RASAL1: variants seen among roughly 807,000 people sequenced by gnomAD.
RASAL1 encodes the protein rasGAP-activating-like protein 1.
RASAL1 carries 72 observed loss-of-function variants against 96.6 expected under a neutral mutation model. The ratio of observed to expected loss-of-function variants is 0.75; its 90% CI spans 0.62 to 0.91. The LOEUF is 0.91. RASAL1 is among the 40% of genes least tolerant of loss of function. RASAL1 has a pLI of 0.00. For synonymous variants in RASAL1, 405 were observed against 430.4 expected, an observed-to-expected ratio of 0.94 and a Z score of 0.73; for missense variants, 1,016 against 1,072.5, an observed-to-expected ratio of 0.95 and a Z score of 0.74.
intron 13 of RASAL1, 131 bp from the exon 14 acceptor site, chr12:113,108,353 C>A (rs983213615): frequency 2.6e-6 from 3 of 1,156,842 alleles, no homozygotes; most frequent in Non-Finnish European, 3.6e-6. Flanking sequence ...GAAGCCACAC[C>A]GGCTGGCCGA....
chr12:113,107,109 C>A lies in RASAL1; in HGVS notation c.1645G>T (p.Asp549Tyr). ...RDFLDRLVDVDGDEEAGVPAR... is the reference protein window; with the variant it reads ...RDFLDRLVDVYGDEEAGVPAR... ...CACAGGAACTCACCTTCATCCCCATCCACATCCACCAGCCGGTCCAGGAAG... is the reference window on the plus strand; with the variant it reads ...CACAGGAACTCACCTTCATCCCCATACACATCCACCAGCCGGTCCAGGAAG... Residue 549 changes from aspartate (D) to tyrosine (Y), a missense_variant, in exon 15 of 21, where the codon GAT becomes TAT. By Grantham distance (160) the Asp-to-Tyr change is radical (BLOSUM62 -3). Coordinates refer to ENST00000548055, the MANE Select transcript of RASAL1 (RefSeq NM_001301202.2). 1 of 1,612,526 alleles carries A rather than the reference C, an allele frequency of 6.2e-7. No homozygotes were observed. Among genetic ancestry groups the A allele is most frequent in the Non-Finnish European group, 8.5e-7 (1 of 1,179,102 alleles).
chr12:113,115,091 CG>C lies in RASAL1; in HGVS notation c.1068+108del. 7.9e-7 allele frequency: 1 copy of C among 1,268,822 alleles called. No homozygotes were observed. The highest frequency in any genetic ancestry group is 1.2e-5 in the South Asian group (1 of 81,252). 78.6% of individuals were successfully genotyped at this position (1,268,822 alleles called of 1,614,324 possible). A position where few individuals can be genotyped will look rare whatever the true frequency, so the allele number is the denominator to read the frequency against. ...GGCACCAGCCGCCAGCACTGCAGCTCGGCTGCTCAGTGCTGTCTGAAGCCAG... is the reference window on the plus strand; with the variant it reads ...GGCACCAGCCGCCAGCACTGCAGCTCGCTGCTCAGTGCTGTCTGAAGCCAG... On this transcript the variant is annotated intron_variant, in intron 11 of 20. Coordinates refer to ENST00000548055, the MANE Select transcript of RASAL1 (RefSeq NM_001301202.2). This position sits in a 1 kb window ranked among gnomAD's most constrained non-coding sequence, Gnocchi z 4.1.
At chr12:113,108,961 A>G (rs1004709553) in intron 13 of RASAL1, among the ~76,000 whole-genome samples, 5 of 150,994 alleles carry the variant, frequency 3.3e-5, no homozygotes, top group African/African-American at 1.2e-4. Flanking sequence ...CAGCCTCCCA[A>G]GTAGCTGGGA....
At chr12:113,111,175 C>G (rs748264582) in intron 13 of RASAL1, among the ~76,000 whole-genome samples, 6 of 152,180 alleles carry the variant, frequency 3.9e-5, no homozygotes, top group Non-Finnish European at 8.8e-5. Flanking sequence ...GTTGGTATAG[C>G]ACTACACCTG....
In RASAL1 at chr12:113,119,376, T is replaced by C. The variant is rs1368694405; in HGVS notation, c.496A>G (p.Ser166Gly). The change falls in exon 6 of 21, where the codon AGC becomes GGC. Residue 166 changes from serine to glycine, a missense_variant. Transcript: ENST00000548055. ...PFARVFWGSQ[S>G]LETSTIKKTR... ...CCACCACTCACTGAGGTCTCCAAGC[T>C]CTGGCTGCCCCAAAACACACGTGCA... The C allele has an allele frequency of 1.2e-6, 2 of 1,612,628 alleles. No homozygotes were observed. The highest frequency in any genetic ancestry group is 1.1e-5 in the South Asian group (1 of 90,692).
At chr12:113,111,099 T>C (rs958674782) in intron 13 of RASAL1, among the ~76,000 whole-genome samples, 1 of 152,142 alleles carries the variant, frequency 6.6e-6, no homozygotes, top group African/African-American at 2.4e-5. Flanking sequence ...ACGCGCTGCT[T>C]GCTTTGTTCT....
At chr12:113,120,321 G>A (rs1009246973) in intron 5 of RASAL1, among the ~76,000 whole-genome samples, 2 of 152,190 alleles carry the variant, frequency 1.3e-5, no homozygotes, top group Non-Finnish European at 2.9e-5. Context: ...CTGAGGAAGG[G>A]GCCATGGGCT....
rs553116570 is a variant in RASAL1 at position 113,114,591 on chromosome 12, G to A, written c.1181+209C>T. On this transcript the variant is annotated intron_variant, in intron 12 of 20. Coordinates refer to ENST00000548055, the MANE Select transcript of RASAL1 (RefSeq NM_001301202.2). The stretch of plus-strand genomic sequence containing the variant: ...CAAAGCTAAGATTTGAACCCAGGGC[G>A]CTTAGCATCAGAGTCCTGACCATAA... 1.0e-3 allele frequency among the ~76,000 whole-genome samples: 158 copies of A among 152,290 alleles called. 1 individual carries two copies. Among genetic ancestry groups the A allele is most frequent in the African/African-American group, 3.5e-3 (146 of 41,558 alleles).
At position 113,115,900 on chromosome 12, in the gene RASAL1, C is replaced by A. The variant is rs200729934; in HGVS notation, c.849+34G>T. The stretch of plus-strand genomic sequence containing the variant: ...AGGCCAGGATCCAGACCCCCGGCAC[C>A]CGCCTGATAGCATTGCTTGCCTGAC... On this transcript the variant is annotated intron_variant, in intron 9 of 20. Transcript: ENST00000548055. The surrounding 1 kb of genome is among the most constrained non-coding windows in gnomAD (Gnocchi z 4.1). The A allele has an allele frequency of 5.7e-6, 9 of 1,582,554 alleles. No homozygotes were observed. In the Admixed American group the frequency reaches 1.6e-4, roughly 28 times the overall value.
At position 113,102,144 on chromosome 12, in the gene RASAL1, G is replaced by A. The variant is rs139689700; in HGVS notation, c.2105-135C>T. On this transcript the variant is annotated intron_variant, in intron 18 of 20. Coordinates refer to ENST00000548055, the MANE Select transcript of RASAL1 (RefSeq NM_001301202.2). ...AACCTACTACTTCTAGGCCACACAC[G>A]GTGGCTCATGCCTGTAATCTCAGCA... 4.0e-4 allele frequency: 431 copies of A among 1,083,834 alleles called. 1 individual carries two copies. The African/African-American group carries it at 5.6e-3, about 14-fold the overall frequency. The allele number at this position is 1,083,834 out of a possible 1,614,324, so 67.1% of individuals were successfully genotyped here.
At chr12:113,131,287 C>T (rs1439998667) in intron 1 of RASAL1, among the ~76,000 whole-genome samples, 1 of 152,146 alleles carries the variant, frequency 6.6e-6, no homozygotes, top group African/African-American at 2.4e-5. Flanking sequence ...GCTTCACCAC[C>T]CTCTGGCTGT....
rs761856263 is a variant in RASAL1 at position 113,104,076 on chromosome 12, C to T, written c.1974G>A (p.Val658=). The part of the protein sequence containing the change: ...LHTTYLQCKN[V]NELNQWLSAL... The stretch of plus-strand genomic sequence containing the variant: ...CCGAGAGCCACTGGTTGAGCTCATT[C>T]ACATTCTGCAGCGGGTGGGAGGCGA... Residue 658 remains valine, a synonymous_variant, in exon 18 of 21, where the codon GTG becomes GTA. Coordinates refer to ENST00000548055, the MANE Select transcript of RASAL1 (RefSeq NM_001301202.2). 6.4e-7 allele frequency: 1 copy of T among 1,554,400 alleles called. No homozygotes were observed. The highest frequency in any genetic ancestry group is 1.2e-5 in the South Asian group (1 of 85,422).
chr12:113,135,403 C>T lies in RASAL1; in HGVS notation c.60G>A (p.Lys20=). The change falls in exon 1 of 21, where the codon AAG becomes AAA. Residue 20 remains lysine (K), a synonymous_variant. Coordinates refer to ENST00000548055, the MANE Select transcript of RASAL1 (RefSeq NM_001301202.2). The surrounding 1 kb of genome is among the most constrained non-coding windows in gnomAD (Gnocchi z 5.7). ...RVVEGRALPA[K]DVSGSSDPYC... ...AGCGCCCGAGGAGTACTCACACGTC[C>T]TTGGCAGGCAGCGCGCGGCCCTCCA... The T allele has an allele frequency of 6.2e-7, 1 of 1,608,972 alleles. No homozygotes were observed. Among genetic ancestry groups the T allele is most frequent in the Non-Finnish European group, 8.5e-7 (1 of 1,178,112 alleles).
chr12:113,124,217 CAAAAA>C (rs35190885), intron 4 of RASAL1, among the ~76,000 whole-genome samples: 1 of 98,374 alleles, frequency 1.0e-5, no homozygotes, highest in Non-Finnish European at 2.0e-5. Context: ...GACTCTGTCT[CAAAAA>C]AAAAAAAAAA....
chr12:113,116,068 C>A lies in RASAL1; in HGVS notation c.732-17G>T. On this transcript the variant is annotated splice_polypyrimidine_tract_variant and intron_variant, in intron 8 of 20. Transcript: ENST00000548055. Reference sequence around the variant, plus strand: ...AGGTTCCCCCTGTCCAGGATCAGATCATAAGAAAATGAAAGATCTGGCCGA... The same window carrying A: ...AGGTTCCCCCTGTCCAGGATCAGATAATAAGAAAATGAAAGATCTGGCCGA... 1.3e-6 allele frequency: 2 copies of A among 1,536,852 alleles called. No individual in the cohort carries two copies. Among genetic ancestry groups the A allele is most frequent in the South Asian group, 1.3e-5 (1 of 79,988 alleles).
At chr12:113,106,569 G>A (rs1160041673) in intron 15 of RASAL1, among the ~76,000 whole-genome samples, 3 of 152,142 alleles carry the variant, frequency 2.0e-5, no homozygotes, top group Non-Finnish European at 1.5e-5. Context: ...CCTTGCACAT[G>A]CTGTGCCCTG....
At position 113,121,595 on chromosome 12, in the gene RASAL1, T is replaced by C. The variant is rs199970864; in HGVS notation, c.342A>G (p.Ala114=). The part of the protein sequence containing the change: ...WINLSRVDPD[A]EVQGEICLSV... ...ACAGGCAGATCTCACCCTGCACTTC[T>C]GCATCTGGGTCCACTCGGCTCAAGT... The change falls in exon 5 of 21, where the codon GCA becomes GCG. Residue 114 remains alanine (A), a synonymous_variant. Transcript: ENST00000548055. The C allele has an allele frequency of 8.7e-6, 14 of 1,614,228 alleles. No individual in the cohort carries two copies. In the East Asian group the frequency reaches 2.2e-4, roughly 26 times the overall value.
At chr12:113,135,779 G>A (rs1194506650), upstream of RASAL1, 1 of 268,848 alleles carries the variant, frequency 3.7e-6, no homozygotes, top group Non-Finnish European at 7.2e-6. This position sits in a 1 kb window ranked among gnomAD's most constrained non-coding sequence, Gnocchi z 5.7. Context: ...GGGCGGGAGG[G>A]GCGGCCCAGG....
chr12:113,104,348 G>GT lies in RASAL1; in HGVS notation c.1831-51dup, dbSNP rs771926532. 158 of 1,509,284 alleles carry GT rather than the reference G, an allele frequency of 1.0e-4. 2 individuals are homozygous for GT. The African/African-American group carries it at 2.0e-3, about 19-fold the overall frequency. The allele number at this position is 1,509,284 out of a possible 1,614,324, so 93.5% of individuals were successfully genotyped here. A position where few individuals can be genotyped will look rare whatever the true frequency, so the allele number is the denominator to read the frequency against. ...GGATGGGCTGGGGGCTAGGGCCGGG[G>GT]TGGGGACACCTTCCGTCTGGTTGTG... On this transcript the variant is annotated intron_variant, in intron 16 of 20. Coordinates refer to ENST00000548055, the MANE Select transcript of RASAL1 (RefSeq NM_001301202.2).
Sources: gnomAD v4.1 joint callset for allele counts (sites outside exome capture counted in the v4.1 genomes callset) on GRCh38, gnomAD v4.1.1 for gene constraint, Gnocchi (gnomAD v3.1) non-coding constraint, MANE v1.5 for transcripts, NCBI Gene and HGNC (gene_info 2026-07-23, HGNC 2026-07-21) for gene names.